ITGAL: variants seen among roughly 807,000 people sequenced by gnomAD.
ITGAL encodes the protein integrin alpha-L.
Under a neutral mutation model 138.4 loss-of-function variants are expected in ITGAL, and 68 were observed. The ratio of observed to expected loss-of-function variants is 0.49; its 90% confidence interval spans 0.40 to 0.60. ITGAL has a LOEUF of 0.60. Ranked by LOEUF, ITGAL falls within the 20% of genes least tolerant of loss-of-function variation. The pLI is 0.00. For synonymous variants in ITGAL, 561 were observed against 584.3 expected (o/e 0.96, Z 0.57); for missense variants, 1,256 against 1,478.6 (o/e 0.85, Z 2.47).
At chr16:30,486,634 G>A (rs955865060) in intron 9 of ITGAL, among the ~76,000 whole-genome samples, 9 of 152,128 alleles carry the variant, frequency 5.9e-5, no homozygotes, top group South Asian at 4.1e-4. Flanking sequence ...GCCCAGGGGC[G>A]GGGAAAGGGC....
At chr16:30,476,987 C>A (rs1249810328) in intron 4 of ITGAL, among the ~76,000 whole-genome samples, 2 of 152,116 alleles carry the variant, frequency 1.3e-5, no homozygotes, top group African/African-American at 4.8e-5. Flanking sequence ...GATCAGTGTA[C>A]ACATTTCACA....
chr16:30,499,733 A>ATACGTATATATATATATATATATATT, intron 17 of ITGAL, among the ~76,000 whole-genome samples: 2 of 88,382 alleles, frequency 2.3e-5, no homozygotes, highest in African/African-American at 1.2e-4. Flanking sequence ...ATATATATAT[A>ATACGTATATATATATATATATATATT]TTTTTTTTTT....
At position 30,521,840 on chromosome 16, in the gene ITGAL, T is replaced by C. The variant is rs2051258943; in HGVS notation, c.*175T>C. ...CCTGCCTGTCTCCTTTGCAGGCTCA[T>C]AGGGAAGACCTGCTGAGGGACCAGC... is the stretch of plus-strand genomic sequence containing the variant. On this transcript the variant is annotated 3_prime_UTR_variant, in exon 31 of 31. Coordinates refer to ENST00000356798, the MANE Select transcript of ITGAL (RefSeq NM_002209.3). 3 of 642,582 alleles carry C rather than the reference T, an allele frequency of 4.7e-6. No individual in the cohort carries two copies. Among genetic ancestry groups the C allele is most frequent in the South Asian group, 4.1e-5 (2 of 48,542 alleles). The allele number at this position is 642,582 out of a possible 1,614,324, so 39.8% of individuals were successfully genotyped here. A position where few individuals can be genotyped will look rare whatever the true frequency, so the allele number is the denominator to read the frequency against.
At position 30,494,153 on chromosome 16, in the gene ITGAL, G is replaced by A. The variant is rs940101177; in HGVS notation, c.1214-59G>A. ...TCCCTGGGGCCCCTGCCCCTCTCCT[G>A]CTGGGTGTTCTTCCAGCATCCTGTG... is the stretch of plus-strand genomic sequence containing the variant. On this transcript the variant is annotated intron_variant, in intron 11 of 30. Transcript: ENST00000356798. The surrounding 1 kb of genome is among the most constrained non-coding windows in gnomAD (Gnocchi z 4.2). 2.7e-6 allele frequency: 4 copies of A among 1,481,908 alleles called. No individual in the cohort carries two copies. The African/African-American group carries it at 4.1e-5, about 15-fold the overall frequency. 91.8% of individuals were successfully genotyped at this position (1,481,908 alleles called of 1,614,324 possible).
intron 11 of ITGAL, among the ~76,000 whole-genome samples, chr16:30,492,355 A>T (rs2050735482): frequency 6.7e-6 from 1 of 149,436 alleles, no homozygotes; most frequent in Non-Finnish European, 1.5e-5. Flanking sequence ...GGTTCAACTG[A>T]TTCTCTTGCC....
At chr16:30,505,339 C>T (rs1161906308) in intron 19 of ITGAL, 39 bp downstream of exon 19, 1 of 1,612,986 alleles carries the variant, frequency 6.2e-7, no homozygotes, top group Non-Finnish European at 8.5e-7. Context: ...GGCCTGGGAA[C>T]AAGTCCCTCC....
intron 25 of ITGAL, 46 bp from the exon 26 acceptor site, chr16:30,516,927 G>A: frequency 1.5e-6 from 2 of 1,329,130 alleles, no homozygotes; most frequent in Non-Finnish European, 2.2e-6. Context: ...GGGGCAGCTG[G>A]GGTGGCTGGC....
At chr16:30,489,411 G>A (rs759682191) in intron 11 of ITGAL, 25 bp downstream of exon 11, 2 of 1,610,868 alleles carry the variant, frequency 1.2e-6, no homozygotes, top group Non-Finnish European at 1.7e-6. Flanking sequence ...TTTCTGCTGG[G>A]ATCTTCTGGT....
intron 9 of ITGAL, among the ~76,000 whole-genome samples, chr16:30,484,960 CT>C (rs2050619053): frequency 6.6e-6 from 1 of 152,056 alleles, no homozygotes; most frequent in African/African-American, 2.4e-5. Context: ...AAAACCTCCC[CT>C]GGGACATCCT....
intron 17 of ITGAL, among the ~76,000 whole-genome samples, chr16:30,499,723 A>ATGTGTG (rs1472099995): frequency 1.2e-5 from 1 of 83,760 alleles, no homozygotes; most frequent in Admixed American, 1.5e-4. Flanking sequence ...GTATATATAT[A>ATGTGTG]TATATATATA....
intron 7 of ITGAL, chr16:30,483,169 A>C (rs1364161854): frequency 6.6e-6 from 1 of 152,126 alleles, no homozygotes; most frequent in Non-Finnish European, 1.5e-5. Flanking sequence ...AGCCTGCTAG[A>C]CAAATTCTAA....
At chr16:30,489,049 T>C (rs756000970) in intron 9 of ITGAL, 33 bp from the exon 10 acceptor site, 1 of 1,586,654 alleles carries the variant, frequency 6.3e-7, no homozygotes, top group Non-Finnish European at 8.6e-7. Flanking sequence ...TTACTGCTGT[T>C]GGGTCTCACC....
At chr16:30,502,748 C>CA (rs752065644) in intron 17 of ITGAL, among the ~76,000 whole-genome samples, 2,686 of 105,380 alleles carry the variant, frequency 0.025, 63 homozygotes, top group African/African-American at 0.08. Flanking sequence ...AACTCCATCT[C>CA]AAAAAAAAAA....
At chr16:30,516,857 G>A in intron 25 of ITGAL, 116 bp from the exon 26 acceptor site, 1 of 772,812 alleles carries the variant, frequency 1.3e-6, no homozygotes, top group Non-Finnish European at 2.3e-6. Context: ...AACCGACAAG[G>A]GCCCTGGGGA....
Position 30,499,080 on chromosome 16 carries a change from G to A in ITGAL, c.1839G>A (p.Arg613=), listed in dbSNP as rs2050845843. Residue 613 remains arginine, a synonymous_variant, in exon 16 of 31, where the codon CGG becomes CGA. Transcript: ENST00000356798. ...GTTGCCTTCTGCCCTGCAGCTCCCGGCCCGTGGTGGATATGGTCACCCTGA... is the reference window on the plus strand; with the variant it reads ...GTTGCCTTCTGCCCTGCAGCTCCCGACCCGTGGTGGATATGGTCACCCTGA... The part of the protein sequence containing the change: ...AESQMIVLSS[R]PVVDMVTLMS... The A allele has an allele frequency of 6.2e-7, 1 of 1,613,806 alleles. No homozygotes were observed. Among genetic ancestry groups the A allele is most frequent in the South Asian group, 1.1e-5 (1 of 91,050 alleles).
intron 9 of ITGAL, 59 bp from the exon 10 acceptor site, chr16:30,489,023 A>G: frequency 4.1e-6 from 6 of 1,449,054 alleles, no homozygotes; most frequent in Non-Finnish European, 5.8e-6. Flanking sequence ...CCTGCCATGA[A>G]TTTTTTTCAC....
intron 4 of ITGAL, among the ~76,000 whole-genome samples, chr16:30,478,649 G>C (rs2050507492): frequency 7.4e-6 from 1 of 135,102 alleles, no homozygotes; most frequent in Admixed American, 8.2e-5. Context: ...AGTGAGCCGA[G>C]ATCATGCCAT....
At chr16:30,478,421 G>A (rs531511992) in intron 4 of ITGAL, among the ~76,000 whole-genome samples, 17 of 151,674 alleles carry the variant, frequency 1.1e-4, no homozygotes, top group South Asian at 2.1e-4. Flanking sequence ...AGGCATGGCC[G>A]GGCGCGGTGG....
intron 17 of ITGAL, among the ~76,000 whole-genome samples, chr16:30,500,288 G>C (rs1399896416): frequency 6.6e-6 from 1 of 150,778 alleles, no homozygotes; most frequent in Non-Finnish European, 1.5e-5. Flanking sequence ...GTTTCACCAT[G>C]TTGGCCAGGC....
Sources: gnomAD v4.1 joint callset for allele counts (sites outside exome capture counted in the v4.1 genomes callset) on GRCh38, gnomAD v4.1.1 for gene constraint, Gnocchi (gnomAD v3.1) non-coding constraint, MANE v1.5 for transcripts, NCBI Gene and HGNC (gene_info 2026-07-23, HGNC 2026-07-21) for gene names.